Variants in RIPOR3 observed in about 807,000 individuals in gnomAD.
RIPOR3 encodes the protein family with sequence similarity 65 member C.
RIPOR3 carries 95 observed loss-of-function variants against 114.3 expected under a neutral mutation model. The observed-to-expected ratio is 0.83, with a 90% confidence interval of 0.70 to 0.99. The LOEUF (loss-of-function observed/expected upper bound fraction) is 0.99, where lower values mean the gene tolerates loss of function less well. Among genes scored for constraint, RIPOR3 ranks in the 50% least tolerant of loss-of-function variants. The probability of loss-of-function intolerance (pLI) is 0.00; values close to 1 mark genes in which losing one functional copy is unlikely to be tolerated. For missense variants in RIPOR3, 1,252 were observed against 1,266.9 expected (o/e 0.99, Z 0.18); for synonymous variants, 575 against 543.8 (o/e 1.06, Z -0.80).
chr20:50,609,921 C>A (rs887691107), intron 6 of RIPOR3, among the ~76,000 whole-genome samples, 199 bp from the exon 7 acceptor site: 2 of 152,004 alleles, frequency 1.3e-5, no homozygotes, highest in Non-Finnish European at 2.9e-5. Flanking sequence ...CCCCCATAGG[C>A]AGGGACCACA....
intron 17 of RIPOR3, among the ~76,000 whole-genome samples, chr20:50,593,675 C>A (rs959889522): frequency 3.9e-5 from 6 of 152,066 alleles, no homozygotes; most frequent in Admixed American, 3.3e-4. Flanking sequence ...GACTGTGACT[C>A]CAACTCACCC....
At chr20:50,659,717 C>G (rs1184239709) in intron 1 of RIPOR3, 1 of 151,440 alleles carries the variant, frequency 6.6e-6, no homozygotes, top group Non-Finnish European at 1.5e-5. Context: ...CAAATTAAGA[C>G]CAAAATAGGC....
intron 1 of RIPOR3, among the ~76,000 whole-genome samples, chr20:50,684,301 G>A (rs1008496389): frequency 5.9e-5 from 9 of 152,190 alleles, no homozygotes. Context: ...GTAAAGACCT[G>A]CGCGATATGA....
In RIPOR3 at chr20:50,597,745, C is replaced by T. The variant is rs199785260; in HGVS notation, c.1660-35G>A. On this transcript the variant is annotated intron_variant, in intron 13 of 21. Transcript: ENST00000327979. ...AAGTGGCCAGACCTGAGGGCAACAC[C>T]GGGCCCCACCCACCCGACTGGGACA... 3.4e-5 allele frequency: 54 copies of T among 1,603,548 alleles called. No individual in the cohort carries two copies. The African/African-American group carries it at 3.6e-4, about 11-fold the overall frequency.
chr20:50,590,358 G>A (rs762512000), intron 19 of RIPOR3, among the ~76,000 whole-genome samples: 1 of 152,234 alleles, frequency 6.6e-6, no homozygotes, highest in African/African-American at 2.4e-5. Flanking sequence ...GGTTATGCCC[G>A]GCCCGCAGTG....
intron 1 of RIPOR3, among the ~76,000 whole-genome samples, chr20:50,633,641 C>T (rs1160895060): frequency 6.6e-6 from 1 of 152,224 alleles, no homozygotes; most frequent in Non-Finnish European, 1.5e-5. Flanking sequence ...CCCTCTGCAC[C>T]TTCCCATCAG....
chr20:50,608,874 G>A (rs562389327), intron 9 of RIPOR3, 38 bp downstream of exon 9: 34 of 1,601,150 alleles, frequency 2.1e-5, no homozygotes, highest in Admixed American at 3.5e-5. Context: ...AAGACCTGGC[G>A]GGGAGCCCTG....
At chr20:50,606,089 C>T (rs550389060) in intron 11 of RIPOR3, among the ~76,000 whole-genome samples, 1 of 152,302 alleles carries the variant, frequency 6.6e-6, no homozygotes, top group South Asian at 2.1e-4. Flanking sequence ...ACCTGTGATC[C>T]CAGCTACTTG....
At chr20:50,654,719 G>A (rs1299838793) in intron 1 of RIPOR3, among the ~76,000 whole-genome samples, 1 of 151,974 alleles carries the variant, frequency 6.6e-6, no homozygotes, top group African/African-American at 2.4e-5. Context: ...TGCTTTTTGT[G>A]TGTGTTTGGT....
At chr20:50,613,582 T>C (rs1397919335) in intron 4 of RIPOR3, among the ~76,000 whole-genome samples, 2 of 152,180 alleles carry the variant, frequency 1.3e-5, no homozygotes, top group Non-Finnish European at 2.9e-5. Flanking sequence ...ACCAGCAGTG[T>C]CATGGGAGCA....
Position 50,587,150 on chromosome 20 carries a change from A to C in RIPOR3, c.*82T>G. On this transcript the variant is annotated 3_prime_UTR_variant, in exon 22 of 22. Coordinates refer to ENST00000327979, the MANE Select transcript of RIPOR3 (RefSeq NM_001290268.2). ...CACTCCTGGAGGAGTGCACAGCACC[A>C]TTACCCAGAGTGCAGGCTATGTCCA... is the stretch of plus-strand genomic sequence containing the variant. 9.4e-7 allele frequency: 1 copy of C among 1,068,232 alleles called. No individual in the cohort carries two copies. The highest frequency in any genetic ancestry group is 1.4e-6 in the Non-Finnish European group (1 of 699,298). The allele number at this position is 1,068,232 out of a possible 1,614,324, so 66.2% of individuals were successfully genotyped here.
intron 1 of RIPOR3, among the ~76,000 whole-genome samples, chr20:50,685,458 A>G (rs1253431389): frequency 1.3e-5 from 2 of 149,184 alleles, no homozygotes; most frequent in Admixed American, 1.3e-4. Flanking sequence ...CTCGTGATCC[A>G]CGTGCCTCGG....
intron 1 of RIPOR3, among the ~76,000 whole-genome samples, chr20:50,667,023 C>T (rs1201793638): frequency 6.6e-6 from 1 of 152,258 alleles, no homozygotes; most frequent in East Asian, 1.9e-4. Context: ...CTCCTAACCT[C>T]CCCTACAAAC....
At chr20:50,665,355 G>A (rs1001179322) in intron 1 of RIPOR3, among the ~76,000 whole-genome samples, 4 of 148,170 alleles carry the variant, frequency 2.7e-5, no homozygotes, top group African/African-American at 9.8e-5. Flanking sequence ...GCTGAGGCAA[G>A]AAGATTGCTG....
At chr20:50,605,028 T>C (rs2083655541) in intron 11 of RIPOR3, among the ~76,000 whole-genome samples, 1 of 152,218 alleles carries the variant, frequency 6.6e-6, no homozygotes, top group Non-Finnish European at 1.5e-5. Flanking sequence ...GTTCAAGCGA[T>C]CCTCCTGCCT....
At chr20:50,640,317 A>C (rs1346518788) in intron 1 of RIPOR3, among the ~76,000 whole-genome samples, 8 of 151,042 alleles carry the variant, frequency 5.3e-5, no homozygotes, top group African/African-American at 2.0e-4. Flanking sequence ...GATTCCTCAG[A>C]CCTCTGGGGC....
In RIPOR3 at chr20:50,587,239, AT is replaced by A; in HGVS notation, c.2845del (p.Ile949TyrfsTer119). On this transcript the variant is annotated frameshift_variant, in exon 22 of 22. Transcript: ENST00000327979. LOFTEE classifies it high-confidence loss of function. The stretch of plus-strand genomic sequence containing the variant: ...CTCATCAGCCAGGATTTTTTAAAAT[AT>A]TGTGATTTCAACATCTGCCTCCTGG... ...FCQEADVEIT[I>X]F The A allele has an allele frequency of 6.2e-7, 1 of 1,613,740 alleles. No homozygotes were observed. Among genetic ancestry groups the A allele is most frequent in the South Asian group, 1.1e-5 (1 of 91,066 alleles).
intron 1 of RIPOR3, among the ~76,000 whole-genome samples, chr20:50,686,845 GT>G (rs796424903): frequency 8.5e-5 from 13 of 152,196 alleles, no homozygotes; most frequent in African/African-American, 3.1e-4. Context: ...TTGCAGTTGC[GT>G]TTCTCTTAGC....
intron 1 of RIPOR3, among the ~76,000 whole-genome samples, chr20:50,657,534 A>C (rs1365504140): frequency 6.6e-6 from 1 of 152,108 alleles, no homozygotes; most frequent in Admixed American, 6.6e-5. Context: ...TCAGAAAAAA[A>C]AAGAGAGAAA....
Sources: allele counts gnomAD v4.1 joint callset (sites outside exome capture counted in the v4.1 genomes callset), GRCh38; gene constraint gnomAD v4.1.1; transcripts MANE v1.5; gene names NCBI Gene and HGNC (gene_info 2026-07-23, HGNC 2026-07-21).